The following ETV1 variants were observed in gnomAD, a reference collection of about 807,000 sequenced individuals.
The protein encoded by ETV1 is ETS variant transcription factor 1.
Under a neutral mutation model 62.3 loss-of-function variants are expected in ETV1, and 27 were observed. That is an observed-to-expected ratio of 0.43 (90% CI 0.32 to 0.60). ETV1 has a LOEUF of 0.60. Among genes scored for constraint, ETV1 ranks in the 20% least tolerant of loss-of-function variants. The pLI is 0.06. For missense variants in ETV1, 605 were observed against 605.8 expected (o/e 1.00, Z 0.01); for synonymous variants, 222 against 199.6 (o/e 1.11, Z -0.94).
intron 8 of ETV1, among the ~76,000 whole-genome samples, chr7:13,933,817 T>C (rs1458599226): frequency 1.3e-5 from 2 of 152,094 alleles, no homozygotes; most frequent in Non-Finnish European, 2.9e-5. Context: ...CCTCTTGGAG[T>C]TCCGGGCCGG....
chr7:13,973,647 T>C (rs1781120054), intron 6 of ETV1, among the ~76,000 whole-genome samples: 1 of 152,120 alleles, frequency 6.6e-6, no homozygotes, highest in Admixed American at 6.5e-5. Context: ...CCTTCCACTT[T>C]TTTTTTTAAA....
chr7:13,925,653 C>G (rs1785332005), intron 9 of ETV1, among the ~76,000 whole-genome samples: 1 of 151,872 alleles, frequency 6.6e-6, no homozygotes, highest in Admixed American at 6.6e-5. Context: ...GCAAGCTACA[C>G]CTCCCTGGTT....
At position 13,986,702 on chromosome 7, in the gene ETV1, A is replaced by C; in HGVS notation, c.134-17T>G. 2 of 1,584,862 alleles carry C rather than the reference A, an allele frequency of 1.3e-6. No homozygotes were observed. The highest frequency in any genetic ancestry group is 1.7e-4 in the Middle Eastern group (1 of 6,002). ...GAAAGAGTTCTAAAAAACAAGTCAA[A>C]GACATAAACATAAGATTTGCAAATC... is the stretch of plus-strand genomic sequence containing the variant. On this transcript the variant is annotated splice_polypyrimidine_tract_variant and intron_variant, in intron 4 of 13. Coordinates refer to ENST00000430479, the MANE Select transcript of ETV1 (RefSeq NM_004956.5).
chr7:13,925,759 G>A (rs989773035), intron 9 of ETV1, among the ~76,000 whole-genome samples: 1 of 151,626 alleles, frequency 6.6e-6, no homozygotes, highest in African/African-American at 2.4e-5. Flanking sequence ...TAGTAGAGAC[G>A]GGGTTTCACC....
chr7:13,988,295 TAGAAAAATAG>T (rs1331460887), intron 3 of ETV1, 122 bp from the exon 4 acceptor site: 1 of 641,798 alleles, frequency 1.6e-6, no homozygotes, highest in African/African-American at 1.8e-5. Context: ...CTTCTCTGAA[TAGAAAAATAG>T]AAGTCCATAG....
chr7:13,979,606 C>G (rs1398981084), intron 5 of ETV1, among the ~76,000 whole-genome samples: 1 of 152,026 alleles, frequency 6.6e-6, no homozygotes, highest in Non-Finnish European at 1.5e-5. Context: ...GCACATTTTT[C>G]CCATTATATC....
rs1283964316 is a variant in ETV1, at chr7:13,892,526, C to T, written c.*3340G>A. ...GTCTTTGCTACACAGTCTTCCTCCTCCGTGCGGTGTTCTGAATAACAGCCC... is the reference window on the plus strand; with the variant it reads ...GTCTTTGCTACACAGTCTTCCTCCTTCGTGCGGTGTTCTGAATAACAGCCC... On this transcript the variant is annotated 3_prime_UTR_variant, in exon 14 of 14. Coordinates refer to ENST00000430479, the MANE Select transcript of ETV1 (RefSeq NM_004956.5). The T allele has an allele frequency of 4.3e-6, 1 of 232,872 alleles. No homozygotes were observed. Among genetic ancestry groups the T allele is most frequent in the Non-Finnish European group, 8.5e-6 (1 of 117,956 alleles). 14.4% of individuals were successfully genotyped at this position (232,872 alleles called of 1,614,324 possible).
At chr7:13,932,682 C>T (rs2237291) in intron 8 of ETV1, among the ~76,000 whole-genome samples, 50,852 of 151,890 alleles carry the variant, frequency 0.33, 8,823 homozygotes, top group East Asian at 0.49. Context: ...ATTGACCCAC[C>T]ACAAAGATGT....
intron 4 of ETV1, among the ~76,000 whole-genome samples, chr7:13,987,854 T>C (rs895982380): frequency 2.0e-5 from 3 of 152,186 alleles, no homozygotes; most frequent in African/African-American, 4.8e-5. Context: ...TAAAAGAAGG[T>C]TGTCATTGAG....
At chr7:13,902,532 G>A (rs1315114473) in intron 12 of ETV1, among the ~76,000 whole-genome samples, 1 of 151,594 alleles carries the variant, frequency 6.6e-6, no homozygotes, top group Non-Finnish European at 1.5e-5. Flanking sequence ...GGGGGCGCTG[G>A]GGGGAGGCAA....
chr7:13,909,121 T>C (rs1412853606), intron 11 of ETV1, among the ~76,000 whole-genome samples: 2 of 137,396 alleles, frequency 1.5e-5, no homozygotes, highest in Admixed American at 7.7e-5. Flanking sequence ...ATTAGTAACA[T>C]ACATCTTCCC....
chr7:13,945,888 A>G (rs2128466610), intron 6 of ETV1, among the ~76,000 whole-genome samples: 1 of 152,294 alleles, frequency 6.6e-6, no homozygotes, highest in South Asian at 2.1e-4. Flanking sequence ...ATTATTCCTT[A>G]TCAAATCACC....
At chr7:13,916,980 G>A (rs68041021) in intron 9 of ETV1, among the ~76,000 whole-genome samples, 48,286 of 151,130 alleles carry the variant, frequency 0.32, 8,033 homozygotes, top group African/African-American at 0.41. Flanking sequence ...AGTAAAAGTA[G>A]AATAAGTAAA....
intron 6 of ETV1, among the ~76,000 whole-genome samples, chr7:13,973,159 T>C (rs150637099): frequency 1.4e-4 from 21 of 152,356 alleles, no homozygotes; most frequent in African/African-American, 4.6e-4. Context: ...GTCAAATGCA[T>C]GTTCTATAAT....
intron 6 of ETV1, among the ~76,000 whole-genome samples, chr7:13,963,770 C>T (rs1387303509): frequency 6.6e-6 from 1 of 152,048 alleles, no homozygotes; most frequent in Non-Finnish European, 1.5e-5. Context: ...CTATATATTC[C>T]ATAAGCACAT....
At chr7:13,962,492 T>C (rs924805508) in intron 6 of ETV1, among the ~76,000 whole-genome samples, 56 of 152,072 alleles carry the variant, frequency 3.7e-4, no homozygotes, top group Admixed American at 3.3e-3. Context: ...TATAAAAAAG[T>C]AGTATCAGAC....
intron 5 of ETV1, among the ~76,000 whole-genome samples, chr7:13,980,356 GGGGAATACT>G (rs1781859425): frequency 6.6e-6 from 1 of 152,100 alleles, no homozygotes; most frequent in Non-Finnish European, 1.5e-5. Flanking sequence ...CTTCAATTCA[GGGGAATACT>G]GTGAAGGAGC....
chr7:13,988,235 C>CGG lies in ETV1; in HGVS notation c.46-63_46-62insCC, dbSNP rs1165580561. 1.4e-5 allele frequency: 13 copies of CGG among 918,072 alleles called. No individual in the cohort carries two copies. The East Asian group carries it at 3.2e-4, about 23-fold the overall frequency. 56.9% of individuals were successfully genotyped at this position (918,072 alleles called of 1,614,324 possible). A position where few individuals can be genotyped will look rare whatever the true frequency, so the allele number is the denominator to read the frequency against. ...AAACCTCAGATCACACACACGCACA[C>CGG]GCGCGCGCACACACACACACACAGA... On this transcript the variant is annotated intron_variant, in intron 3 of 13. Coordinates refer to ENST00000430479, the MANE Select transcript of ETV1 (RefSeq NM_004956.5).
chr7:13,977,210 T>C lies in ETV1; in HGVS notation c.235+217A>G, dbSNP rs142000421. Among the ~76,000 whole-genome samples the C allele has an allele frequency of 2.0e-5, 3 of 152,232 alleles. No homozygotes were observed. The East Asian group carries it at 5.8e-4, about 30-fold the overall frequency. On this transcript the variant is annotated intron_variant, in intron 6 of 13. Transcript: ENST00000430479. ...AGTCTTCCTTGCCTACTATTTGGAG[T>C]TCTCTTCCGATATACAGAATTCAAG... is the stretch of plus-strand genomic sequence containing the variant.
Sources: allele counts gnomAD v4.1 joint callset (sites outside exome capture counted in the v4.1 genomes callset), GRCh38; gene constraint gnomAD v4.1.1; transcripts MANE v1.5; gene names NCBI Gene and HGNC (gene_info 2026-07-23, HGNC 2026-07-21).